The following NCOA3 variants were observed in gnomAD, a reference collection of about 807,000 sequenced individuals.
NCOA3 encodes the protein nuclear receptor coactivator 3.
Under a neutral mutation model 158.8 loss-of-function variants are expected in NCOA3, and 51 were observed. The observed-to-expected ratio is 0.32, with a 90% CI of 0.26 to 0.41. The LOEUF is 0.41. NCOA3 is among the 10% of genes least tolerant of loss of function. The pLI, the probability that NCOA3 is intolerant of heterozygous loss-of-function variation, is 1.00. For synonymous variants in NCOA3, 537 were observed against 592.4 expected (o/e 0.91, Z 1.36); for missense variants, 1,510 against 1,746.6 (o/e 0.86, Z 2.41).
intron 9 of NCOA3, 35 bp downstream of exon 9, chr20:47,633,671 T>C (rs757711246): frequency 8.8e-6 from 14 of 1,597,658 alleles, no homozygotes; most frequent in Non-Finnish European, 1.2e-5. Context: ...TCTTATCATT[T>C]TATTCTTTAG....
chr20:47,601,274 G>A (rs1314825539), intron 2 of NCOA3, among the ~76,000 whole-genome samples: 1 of 152,226 alleles, frequency 6.6e-6, no homozygotes, highest in Admixed American at 6.5e-5. Flanking sequence ...ACTCAAGGGA[G>A]TGAGAAAGGC....
intron 2 of NCOA3, among the ~76,000 whole-genome samples, chr20:47,617,963 A>T (rs904396312): frequency 6.6e-6 from 1 of 152,154 alleles, no homozygotes; most frequent in Non-Finnish European, 1.5e-5. Flanking sequence ...GAGACTGGAC[A>T]TGGTGGCTCA....
Position 47,649,254 on chromosome 20 carries a change from C to T in NCOA3, c.3651+145C>T, listed in dbSNP as rs535336887. ...AGAAAGCAGTCGCATTAAAGACTTT[C>T]GACTCTTCCATTCTTCTCTCTGGCT... On this transcript the variant is annotated intron_variant, in intron 19 of 22. Transcript: ENST00000371998. 5.0e-5 allele frequency: 26 copies of T among 522,544 alleles called. 1 individual carries two copies. The East Asian group carries it at 7.5e-4, about 15-fold the overall frequency. 32.4% of individuals were successfully genotyped at this position (522,544 alleles called of 1,614,324 possible).
rs2084605436 is a variant in NCOA3, at chr20:47,534,788, C to T, written c.-99+32769C>T. Among the ~76,000 whole-genome samples the T allele has an allele frequency of 2.0e-5, 3 of 152,132 alleles. No individual in the cohort carries two copies. The South Asian group carries it at 6.2e-4, about 32-fold the overall frequency. On this transcript the variant is annotated intron_variant, in intron 1 of 22. Transcript: ENST00000371998. ...AAAATTGTCTGGGTGTGGTGGCGTGCACCTGTAGTCCCAGCTGTTGGGTGG... is the reference window on the plus strand; with the variant it reads ...AAAATTGTCTGGGTGTGGTGGCGTGTACCTGTAGTCCCAGCTGTTGGGTGG...
chr20:47,551,833 G>A (rs947211661), intron 1 of NCOA3, among the ~76,000 whole-genome samples: 6 of 152,240 alleles, frequency 3.9e-5, no homozygotes, highest in Non-Finnish European at 8.8e-5. Flanking sequence ...TAATACGTAT[G>A]TATCCTTCCA....
chr20:47,563,902 AAAGAAAG>A (rs1159297201), intron 1 of NCOA3, among the ~76,000 whole-genome samples: 1 of 149,922 alleles, frequency 6.7e-6, no homozygotes, highest in Non-Finnish European at 1.5e-5. Context: ...AAAAAAAAAA[AAAGAAAG>A]AAAAAAGAAA....
intron 2 of NCOA3, among the ~76,000 whole-genome samples, chr20:47,603,136 C>A (rs1416213427): frequency 6.6e-6 from 1 of 152,182 alleles, no homozygotes; most frequent in Non-Finnish European, 1.5e-5. Flanking sequence ...GCCATAAGAA[C>A]AATTCAAGAC....
At chr20:47,511,439 G>C (rs2084126937) in intron 1 of NCOA3, among the ~76,000 whole-genome samples, 1 of 118,506 alleles carries the variant, frequency 8.4e-6, no homozygotes, top group Non-Finnish European at 1.7e-5. Context: ...TTTTGAGACA[G>C]AGTCTCTCTT....
chr20:47,559,243 G>A (rs2085061771), intron 1 of NCOA3, among the ~76,000 whole-genome samples: 2 of 152,084 alleles, frequency 1.3e-5, no homozygotes, highest in Middle Eastern at 3.2e-3. Flanking sequence ...AACTTTAAAA[G>A]GCAGTCCCTT....
intron 18 of NCOA3, 88 bp downstream of exon 18, chr20:47,647,454 A>G (rs1402407585): frequency 4.1e-6 from 5 of 1,228,914 alleles, no homozygotes; most frequent in Non-Finnish European, 5.7e-6. Context: ...GGTGCAATCT[A>G]TCCCTGTCAA....
At chr20:47,578,168 G>A (rs919294536) in intron 1 of NCOA3, among the ~76,000 whole-genome samples, 1 of 151,488 alleles carries the variant, frequency 6.6e-6, no homozygotes, top group Non-Finnish European at 1.5e-5. Flanking sequence ...AAAAAAAGTG[G>A]TACCATTTTA....
intron 16 of NCOA3, among the ~76,000 whole-genome samples, chr20:47,640,441 TA>T (rs1329412376): frequency 2.0e-5 from 3 of 152,296 alleles, no homozygotes; most frequent in South Asian, 2.1e-4. Flanking sequence ...TAAACTTTTT[TA>T]AAAAAACTTT....
At chr20:47,614,250 C>A (rs2086095757) in intron 2 of NCOA3, among the ~76,000 whole-genome samples, 1 of 152,054 alleles carries the variant, frequency 6.6e-6, no homozygotes, top group Non-Finnish European at 1.5e-5. Context: ...AGAAAAAAAC[C>A]TTGTAAGATT....
At chr20:47,536,970 A>AT (rs879605062) in intron 1 of NCOA3, among the ~76,000 whole-genome samples, 252 of 144,150 alleles carry the variant, frequency 1.7e-3, no homozygotes, top group East Asian at 4.8e-3. Flanking sequence ...TGCCCGGCTA[A>AT]TTTTTTTTTT....
chr20:47,520,649 A>C (rs1309464251), intron 1 of NCOA3, among the ~76,000 whole-genome samples: 2 of 151,606 alleles, frequency 1.3e-5, no homozygotes, highest in East Asian at 3.9e-4. Context: ...CAAACCCTCA[A>C]ATTAGGGATG....
At chr20:47,541,540 G>A (rs1369609280) in intron 1 of NCOA3, among the ~76,000 whole-genome samples, 2 of 144,316 alleles carry the variant, frequency 1.4e-5, no homozygotes, top group Non-Finnish European at 3.0e-5. Context: ...CACTGTGCCC[G>A]TTTAATTTTT....
rs75033497 is a variant in NCOA3, at chr20:47,609,881, A to G, written c.-19-12348A>G. Among the ~76,000 whole-genome samples the G allele has an allele frequency of 1.6e-3, 236 of 152,250 alleles. 2 individuals are homozygous for G. The highest frequency in any genetic ancestry group is 5.3e-3 in the African/African-American group (222 of 41,540). ...CTTCTCCTCCTCTTTGCAGTATTTT[A>G]TATTTTTGCTTACTGCACATTTCTT... On this transcript the variant is annotated intron_variant, in intron 2 of 22. Coordinates refer to ENST00000371998, the MANE Select transcript of NCOA3 (RefSeq NM_181659.3).
intron 1 of NCOA3, among the ~76,000 whole-genome samples, chr20:47,515,486 T>C (rs2084219085): frequency 6.7e-6 from 1 of 149,472 alleles, no homozygotes; most frequent in Non-Finnish European, 1.5e-5. Context: ...TTTTTTTTTT[T>C]TTTTCTTTTT....
At chr20:47,505,725 AGG>A (rs1249840451) in intron 1 of NCOA3, among the ~76,000 whole-genome samples, 9 of 151,962 alleles carry the variant, frequency 5.9e-5, no homozygotes, top group Non-Finnish European at 1.0e-4. Context: ...TTGAAAAACA[AGG>A]GGACTATATT....
Sources: allele counts gnomAD v4.1 joint callset (sites outside exome capture counted in the v4.1 genomes callset), GRCh38; gene constraint gnomAD v4.1.1; transcripts MANE v1.5; gene names NCBI Gene and HGNC (gene_info 2026-07-23, HGNC 2026-07-21).